PIK3R5: variants seen among roughly 807,000 people sequenced by gnomAD.
PIK3R5 encodes the protein phosphoinositide-3-kinase regulatory subunit 5.
PIK3R5 carries 32 observed loss-of-function variants against 94.9 expected under a neutral mutation model. The observed-to-expected ratio is 0.34, with a 90% CI of 0.25 to 0.45. PIK3R5 has a LOEUF of 0.45. Ranked by LOEUF, PIK3R5 falls within the 20% of genes least tolerant of loss-of-function variation. The pLI is 1.00. For synonymous variants in PIK3R5, 443 were observed against 479.4 expected (o/e 0.92, Z 0.99); for missense variants, 853 against 1,144.6 (o/e 0.75, Z 3.68).
intron 14 of PIK3R5, 55 bp downstream of exon 14, chr17:8,886,173 AC>A: frequency 7.4e-7 from 1 of 1,355,424 alleles, no homozygotes; most frequent in South Asian, 1.2e-5. Flanking sequence ...ACAGAGCTCC[AC>A]GTTTCGCGTC....
chr17:8,909,652 A>G lies in PIK3R5; in HGVS notation c.104-478T>C, dbSNP rs2090481887. The stretch of plus-strand genomic sequence containing the variant: ...TGCTGGATCAACACTCAACCCTACC[A>G]TGCCCCATCAAGACATAATGACAAA... On this transcript the variant is annotated intron_variant, in intron 2 of 18. Coordinates refer to ENST00000447110, the MANE Select transcript of PIK3R5 (RefSeq NM_001142633.3). This position sits in a 1 kb window ranked among gnomAD's most constrained non-coding sequence, Gnocchi z 4.3. Among the ~76,000 whole-genome samples, 1 of 152,216 alleles carries G rather than the reference A, an allele frequency of 6.6e-6. No homozygotes were observed. Among genetic ancestry groups the G allele is most frequent in the Admixed American group, 6.5e-5 (1 of 15,280 alleles).
At chr17:8,956,490 C>T (rs2091468592) in intron 1 of PIK3R5, among the ~76,000 whole-genome samples, 1 of 152,174 alleles carries the variant, frequency 6.6e-6, no homozygotes, top group South Asian at 2.1e-4. Context: ...TGGTCAGAAT[C>T]ATAGAGTCCA....
Position 8,888,703 on chromosome 17 carries a change from C to G in PIK3R5, c.1084G>C (p.Ala362Pro). The G allele has an allele frequency of 6.2e-7, 1 of 1,613,918 alleles. No homozygotes were observed. The highest frequency in any genetic ancestry group is 8.5e-7 in the Non-Finnish European group (1 of 1,180,026). The change falls in exon 10 of 19, where the codon GCA becomes CCA. Residue 362 changes from alanine to proline, a missense_variant. Coordinates refer to ENST00000447110, the MANE Select transcript of PIK3R5 (RefSeq NM_001142633.3). The surrounding 1 kb of genome is among the most constrained non-coding windows in gnomAD (Gnocchi z 7.8). ...LASHDSTLSL[A>P]SSQASGPALS... Reference sequence around the variant, plus strand: ...GCCGGCCCCGAGGCCTGGGAGGATGCAAGGGACAAGGTGGAGTCATGGGAC... The same window carrying G: ...GCCGGCCCCGAGGCCTGGGAGGATGGAAGGGACAAGGTGGAGTCATGGGAC...
intron 1 of PIK3R5, among the ~76,000 whole-genome samples, chr17:8,938,407 A>G (rs1333528920): frequency 6.6e-6 from 1 of 152,240 alleles, no homozygotes; most frequent in Non-Finnish European, 1.5e-5. Context: ...CGTAAACTCA[A>G]CATTTTAAAG....
At position 8,925,658 on chromosome 17, in the gene PIK3R5, G is replaced by A. The variant is rs950704342; in HGVS notation, c.-13-14151C>T. On this transcript the variant is annotated intron_variant, in intron 1 of 18. Coordinates refer to ENST00000447110, the MANE Select transcript of PIK3R5 (RefSeq NM_001142633.3). The surrounding 1 kb of genome is among the most constrained non-coding windows in gnomAD (Gnocchi z 5.1). Reference sequence around the variant, plus strand: ...ATTGACATTATGTCTAAATCAGATGGAAATGGATTAAGAAAATCCAGGCTT... The same window carrying A: ...ATTGACATTATGTCTAAATCAGATGAAAATGGATTAAGAAAATCCAGGCTT... Among the ~76,000 whole-genome samples, 1 of 152,246 alleles carries A rather than the reference G, an allele frequency of 6.6e-6. No individual in the cohort carries two copies. The highest frequency in any genetic ancestry group is 1.5e-5 in the Non-Finnish European group (1 of 68,046).
At chr17:8,921,179 T>C (rs193175925) in intron 1 of PIK3R5, among the ~76,000 whole-genome samples, 2 of 152,382 alleles carry the variant, frequency 1.3e-5, no homozygotes, top group East Asian at 1.9e-4. Flanking sequence ...GTTCTTTCAA[T>C]GTTTTTGACA....
intron 1 of PIK3R5, among the ~76,000 whole-genome samples, chr17:8,947,134 G>A (rs1386290633): frequency 6.7e-6 from 1 of 148,446 alleles, no homozygotes; most frequent in Admixed American, 6.6e-5. Flanking sequence ...TACAGATGCG[G>A]CTTTTCTCGT....
At chr17:8,951,655 A>G (rs1380516336) in intron 1 of PIK3R5, among the ~76,000 whole-genome samples, 3 of 152,220 alleles carry the variant, frequency 2.0e-5, no homozygotes, top group Non-Finnish European at 2.9e-5. Flanking sequence ...CCATTAATGG[A>G]CATTTGGGTT....
At chr17:8,961,247 A>C (rs983362881) in intron 1 of PIK3R5, among the ~76,000 whole-genome samples, 1 of 152,178 alleles carries the variant, frequency 6.6e-6, no homozygotes, top group South Asian at 2.1e-4. Flanking sequence ...CTCAGGCTAC[A>C]GGAGAGGAAG....
intron 1 of PIK3R5, among the ~76,000 whole-genome samples, chr17:8,952,464 C>T (rs568778846): frequency 1.1e-4 from 16 of 152,310 alleles, no homozygotes; most frequent in African/African-American, 3.8e-4. Flanking sequence ...AGTCATCCTA[C>T]AGACATGACT....
In PIK3R5 at chr17:8,884,859, C is replaced by G; in HGVS notation, c.2129-76G>C. 7.9e-7 allele frequency: 1 copy of G among 1,259,754 alleles called. No individual in the cohort carries two copies. The highest frequency in any genetic ancestry group is 1.2e-5 in the South Asian group (1 of 83,308). 78.0% of individuals were successfully genotyped at this position (1,259,754 alleles called of 1,614,324 possible). A position where few individuals can be genotyped will look rare whatever the true frequency, so the allele number is the denominator to read the frequency against. ...TCACGAACGCAGTGGCCTTGCCTCC[C>G]TGGGCCTTACCTCCCCATCCCCTAC... On this transcript the variant is annotated intron_variant, in intron 14 of 18. Coordinates refer to ENST00000447110, the MANE Select transcript of PIK3R5 (RefSeq NM_001142633.3). This position sits in a 1 kb window ranked among gnomAD's most constrained non-coding sequence, Gnocchi z 5.8.
intron 1 of PIK3R5, among the ~76,000 whole-genome samples, chr17:8,964,107 T>G (rs906383595): frequency 7.9e-5 from 12 of 152,074 alleles, no homozygotes; most frequent in African/African-American, 2.9e-4. Flanking sequence ...TTTTCCACAC[T>G]GGGCCAGGCA....
At chr17:8,886,372 CAT>C in intron 13 of PIK3R5, 50 bp from the exon 14 acceptor site, 1 of 1,592,156 alleles carries the variant, frequency 6.3e-7, no homozygotes, top group Non-Finnish European at 8.6e-7. Flanking sequence ...TGGAGGGGCC[CAT>C]TTGGCTCCTC....
At chr17:8,902,234 G>A (rs368459690) in intron 5 of PIK3R5, among the ~76,000 whole-genome samples, 1 of 147,998 alleles carries the variant, frequency 6.8e-6, no homozygotes, top group African/African-American at 2.5e-5. Context: ...ACCTCTTCAT[G>A]GGTTTGATAT....
At chr17:8,885,044 C>T (rs1268073142) in intron 14 of PIK3R5, 2 of 483,370 alleles carry the variant, frequency 4.1e-6, no homozygotes, top group African/African-American at 4.1e-5. Flanking sequence ...TCCAGGGCCC[C>T]ATCTCCGCTG....
rs958586723 is a variant in PIK3R5, at chr17:8,935,654, A to G, written c.-13-24147T>C. Among the ~76,000 whole-genome samples, 3 of 152,152 alleles carry G rather than the reference A, an allele frequency of 2.0e-5. No homozygotes were observed. Among genetic ancestry groups the G allele is most frequent in the Admixed American group, 2.0e-4 (3 of 15,280 alleles). On this transcript the variant is annotated intron_variant, in intron 1 of 18. Transcript: ENST00000447110. The surrounding 1 kb of genome is among the most constrained non-coding windows in gnomAD (Gnocchi z 4.5). Reference sequence around the variant, plus strand: ...TCCCCTCACCCTATCCCCATGCTAAATAAGAAGGCAACCATCCTGAGGAAG... The same window carrying G: ...TCCCCTCACCCTATCCCCATGCTAAGTAAGAAGGCAACCATCCTGAGGAAG...
rs756296168 is a variant in PIK3R5 at position 8,888,637 on chromosome 17, A to C, written c.1150T>G (p.Ser384Ala). 2 of 1,613,408 alleles carry C rather than the reference A, an allele frequency of 1.2e-6. No individual in the cohort carries two copies. Among genetic ancestry groups the C allele is most frequent in the Non-Finnish European group, 1.7e-6 (2 of 1,179,712 alleles). Reference protein sequence around the residue: ...HLLTSFVSGLSDGMDSGYVED... With the variant: ...HLLTSFVSGLADGMDSGYVED... ...ACGTAGCCGCTGTCCATGCCATCAG[A>C]GAGGCCTGAGACAAAGGAAGTCAGC... The change falls in exon 10 of 19, where the codon TCT becomes GCT. Residue 384 changes from serine to alanine, a missense_variant. Physicochemically the swap from Ser to Ala is moderately conservative, Grantham distance 99. Around this residue, in one of 6 missense-constraint regions of PIK3R5, gnomAD observed 319 missense variants for 339.8 expected, o/e 0.94. Coordinates refer to ENST00000447110, the MANE Select transcript of PIK3R5 (RefSeq NM_001142633.3). This position sits in a 1 kb window ranked among gnomAD's most constrained non-coding sequence, Gnocchi z 7.8.
Position 8,904,748 on chromosome 17 carries a change from TC to T in PIK3R5, c.412+28del. The T allele has an allele frequency of 6.2e-7, 1 of 1,611,774 alleles. No homozygotes were observed. The highest frequency in any genetic ancestry group is 8.5e-7 in the Non-Finnish European group (1 of 1,178,286). On this transcript the variant is annotated intron_variant, in intron 5 of 18. Coordinates refer to ENST00000447110, the MANE Select transcript of PIK3R5 (RefSeq NM_001142633.3). The surrounding 1 kb of genome is among the most constrained non-coding windows in gnomAD (Gnocchi z 5.1). Reference sequence around the variant, plus strand: ...AAGCATTCTGACCTTCTGAGCCCTGTCCCCCGTGCCAGCTGCCTCAGTGCTT... The same window carrying T: ...AAGCATTCTGACCTTCTGAGCCCTGTCCCCGTGCCAGCTGCCTCAGTGCTT...
intron 1 of PIK3R5, among the ~76,000 whole-genome samples, chr17:8,949,429 TC>T (rs1298643673): frequency 2.0e-5 from 3 of 152,166 alleles, no homozygotes; most frequent in East Asian, 3.9e-4. Context: ...AATAAAGGCA[TC>T]TCAGAGTCAT....
Sources: gnomAD v4.1 joint callset for allele counts (sites outside exome capture counted in the v4.1 genomes callset) on GRCh38, gnomAD v4.1.1 for gene constraint, gnomAD v4.1.1 regional missense constraint, Gnocchi (gnomAD v3.1) non-coding constraint, MANE v1.5 for transcripts, NCBI Gene and HGNC (gene_info 2026-07-23, HGNC 2026-07-21) for gene names.